COG5: variants seen among roughly 807,000 people sequenced by gnomAD.
The protein encoded by COG5 is conserved oligomeric Golgi complex subunit 5.
In COG5, 86 loss-of-function variants were observed where a neutral mutation model predicts 110.4. That is an observed-to-expected ratio of 0.78 (90% CI 0.65 to 0.93). The LOEUF is 0.93. Among genes scored for constraint, COG5 ranks in the 40% least tolerant of loss-of-function variants. The probability of loss-of-function intolerance (pLI) is 0.00; values close to 1 mark genes in which losing one functional copy is unlikely to be tolerated. For synonymous variants in COG5, 360 were observed against 334.6 expected (o/e 1.08, Z -0.83); for missense variants, 1,077 against 987.0 (o/e 1.09, Z -1.22).
chr7:107,438,017 A>T (rs1366802462), intron 6 of COG5, among the ~76,000 whole-genome samples: 1 of 152,118 alleles, frequency 6.6e-6, no homozygotes, highest in Admixed American at 6.6e-5. Flanking sequence ...GGTAGTCAAT[A>T]CCTCTTCCTT....
At chr7:107,324,349 T>C (rs1365944773) in intron 11 of COG5, 91 bp downstream of exon 11, 2 of 818,434 alleles carry the variant, frequency 2.4e-6, no homozygotes, top group African/African-American at 3.5e-5. Context: ...TAAAAATGTT[T>C]TGTAAACCAA....
chr7:107,309,248 C>T (rs1184004526), intron 11 of COG5, among the ~76,000 whole-genome samples: 1 of 152,060 alleles, frequency 6.6e-6, no homozygotes, highest in Admixed American at 6.5e-5. Flanking sequence ...TACTTTATCC[C>T]ACACTACACA....
At chr7:107,348,340 G>A (rs114828925) in intron 10 of COG5, among the ~76,000 whole-genome samples, 1 of 151,916 alleles carries the variant, frequency 6.6e-6, no homozygotes, top group Admixed American at 6.6e-5. Context: ...GAAAGAGTTG[G>A]GCAAGGGGTC....
At chr7:107,561,923 C>T (rs1445092803) in intron 1 of COG5, among the ~76,000 whole-genome samples, 1 of 152,042 alleles carries the variant, frequency 6.6e-6, no homozygotes, top group South Asian at 2.1e-4. Flanking sequence ...TTGCAGTGAG[C>T]CGAGACTGCG....
intron 7 of COG5, among the ~76,000 whole-genome samples, chr7:107,391,839 C>A (rs1400149575): frequency 6.6e-6 from 1 of 152,140 alleles, no homozygotes; most frequent in Non-Finnish European, 1.5e-5. Context: ...AGCCTGTAAT[C>A]GTAGCACTTT....
rs375837857 is a variant in COG5, at chr7:107,474,872, T to C, written c.538+52365A>G. The C allele has an allele frequency of 6.2e-6, 10 of 1,613,114 alleles. No individual in the cohort carries two copies. In the African/African-American group the frequency reaches 8.0e-5, roughly 13 times the overall value. On this transcript the variant is annotated intron_variant, in intron 6 of 21. Transcript: ENST00000297135. The surrounding 1 kb of genome is among the most constrained non-coding windows in gnomAD (Gnocchi z 5.7). ...ACCACACAACATGAGGCTACAGACA[T>C]GTCACAAAGCAGTGGTGGGAGAAAT...
At chr7:107,262,017 G>C (rs1231804401) in intron 14 of COG5, among the ~76,000 whole-genome samples, 1 of 151,328 alleles carries the variant, frequency 6.6e-6, no homozygotes, top group Non-Finnish European at 1.5e-5. Flanking sequence ...CAGCCTCCTG[G>C]GTAGCTGGGA....
Position 107,540,369 on chromosome 7 carries a change from T to C in COG5, c.417+7742A>G, listed in dbSNP as rs115369971. ...GGAGTATCACTTGAGGCCAGGAGTT[T>C]GAAATCAGCCTAGGCAACATGGTGA... On this transcript the variant is annotated intron_variant, in intron 5 of 21. Transcript: ENST00000297135. 2.8e-3 allele frequency among the ~76,000 whole-genome samples: 420 copies of C among 151,318 alleles called. 4 individuals carry two copies. The highest frequency in any genetic ancestry group is 0.01 in the African/African-American group (413 of 41,238).
At chr7:107,362,181 C>T in intron 9 of COG5, 71 bp from the exon 10 acceptor site, 1 of 1,348,954 alleles carries the variant, frequency 7.4e-7, no homozygotes, top group East Asian at 2.4e-5. Flanking sequence ...CCTTTACGTA[C>T]ATTATCATCA....
chr7:107,431,315 A>T (rs1344127645), intron 6 of COG5, among the ~76,000 whole-genome samples: 1 of 152,254 alleles, frequency 6.6e-6, no homozygotes, highest in Non-Finnish European at 1.5e-5. Flanking sequence ...AATTATGTCA[A>T]ATAGTTTTAT....
intron 6 of COG5, among the ~76,000 whole-genome samples, chr7:107,444,310 C>T (rs1794885335): frequency 6.6e-6 from 1 of 152,062 alleles, no homozygotes; most frequent in African/African-American, 2.4e-5. Flanking sequence ...ACAATAGAGT[C>T]TAAATTATTC....
chr7:107,249,789 G>T (rs952540762), intron 16 of COG5, among the ~76,000 whole-genome samples: 5 of 149,708 alleles, frequency 3.3e-5, no homozygotes, highest in Non-Finnish European at 5.9e-5. Flanking sequence ...AGTGAGAATA[G>T]TTAAAACGTT....
chr7:107,563,004 G>T (rs1432642988), intron 1 of COG5, among the ~76,000 whole-genome samples: 1 of 152,140 alleles, frequency 6.6e-6, no homozygotes, highest in East Asian at 1.9e-4. Flanking sequence ...GGTAGAATGC[G>T]ATGGCCACTA....
intron 7 of COG5, among the ~76,000 whole-genome samples, chr7:107,398,676 T>C (rs935493961): frequency 6.6e-6 from 1 of 152,116 alleles, no homozygotes; most frequent in African/African-American, 2.4e-5. Context: ...AAATAAAAGA[T>C]TGTGCTAAGT....
At chr7:107,315,659 AT>A (rs1808662223) in intron 11 of COG5, among the ~76,000 whole-genome samples, 1 of 151,970 alleles carries the variant, frequency 6.6e-6, no homozygotes, top group Admixed American at 6.6e-5. Context: ...TTGCCAAAAC[AT>A]TACTTACTTA....
chr7:107,304,690 T>C (rs775889640), intron 11 of COG5, among the ~76,000 whole-genome samples: 4 of 152,188 alleles, frequency 2.6e-5, no homozygotes, highest in Non-Finnish European at 5.9e-5. Context: ...TCAGCCTGTA[T>C]GACGCTGCTT....
rs1465769443 is a variant in COG5, at chr7:107,474,485, A to T, written c.538+52752T>A. On this transcript the variant is annotated intron_variant, in intron 6 of 21. Coordinates refer to ENST00000297135, the MANE Select transcript of COG5 (RefSeq NM_006348.5). The surrounding 1 kb of genome is among the most constrained non-coding windows in gnomAD (Gnocchi z 5.7). ...TTTGCTATCACTTTGGACAGATATG[A>T]CATCTCTGTAAAACCTGCAAACCGA... is the stretch of plus-strand genomic sequence containing the variant. 6.2e-7 allele frequency: 1 copy of T among 1,613,096 alleles called. No individual in the cohort carries two copies. Among genetic ancestry groups the T allele is most frequent in the Admixed American group, 1.7e-5 (1 of 59,914 alleles).
At chr7:107,457,304 G>T (rs1170922229) in intron 6 of COG5, among the ~76,000 whole-genome samples, 1 of 146,826 alleles carries the variant, frequency 6.8e-6, no homozygotes, top group Non-Finnish European at 1.5e-5. Context: ...ATTAAAAAGA[G>T]TGATGAAACA....
chr7:107,339,057 C>T (rs1046384992), intron 10 of COG5, among the ~76,000 whole-genome samples: 3 of 152,100 alleles, frequency 2.0e-5, no homozygotes, highest in African/African-American at 7.2e-5. Flanking sequence ...ACCCTAAATG[C>T]TCCAGGTAAA....
Sources: allele counts gnomAD v4.1 joint callset (sites outside exome capture counted in the v4.1 genomes callset), GRCh38; gene constraint gnomAD v4.1.1; non-coding constraint Gnocchi (gnomAD v3.1); transcripts MANE v1.5; gene names NCBI Gene and HGNC (gene_info 2026-07-23, HGNC 2026-07-21).